Variants in C1orf94 observed in about 807,000 individuals in gnomAD.
C1orf94 encodes uncharacterized protein C1orf94.
In C1orf94, 45 loss-of-function variants were observed where a neutral mutation model predicts 53.6. The ratio of observed to expected loss-of-function variants is 0.84; its 90% CI spans 0.66 to 1.08. C1orf94 has a LOEUF of 1.08. Among genes scored for constraint, C1orf94 ranks in the 50% least tolerant of loss-of-function variants. C1orf94 has a pLI of 0.00. For missense variants in C1orf94, 762 were observed against 738.9 expected, an observed-to-expected ratio of 1.03 and a Z score of -0.36; for synonymous variants, 304 against 296.1, an observed-to-expected ratio of 1.03 and a Z score of -0.27.
chr1:34,171,885 A>G (rs1642150318), intron 1 of C1orf94, among the ~76,000 whole-genome samples: 1 of 152,172 alleles, frequency 6.6e-6, no homozygotes, highest in Non-Finnish European at 1.5e-5. Context: ...TATTACCTCC[A>G]TGAGGCCTGA....
chr1:34,184,938 G>A (rs985436305), intron 1 of C1orf94, among the ~76,000 whole-genome samples: 1 of 152,074 alleles, frequency 6.6e-6, no homozygotes, highest in Admixed American at 6.6e-5. Context: ...CAGACTAGAA[G>A]CCAGCTCTGA....
At chr1:34,208,849 C>T (rs986846339) in intron 5 of C1orf94, among the ~76,000 whole-genome samples, 13 of 152,086 alleles carry the variant, frequency 8.5e-5, no homozygotes, top group Admixed American at 2.0e-4. Context: ...CAGACCTGTC[C>T]GTGGGAACTT....
intron 3 of C1orf94, among the ~76,000 whole-genome samples, chr1:34,201,619 A>G (rs1452649351): frequency 6.6e-6 from 1 of 152,220 alleles, no homozygotes; most frequent in East Asian, 1.9e-4. Flanking sequence ...TATAGATACA[A>G]CAACCTGTGA....
In C1orf94 at chr1:34,202,064, G is replaced by A; in HGVS notation, c.1271-20G>A. 1 of 1,609,700 alleles carries A rather than the reference G, an allele frequency of 6.2e-7. No individual in the cohort carries two copies. Among genetic ancestry groups the A allele is most frequent in the Non-Finnish European group, 8.5e-7 (1 of 1,177,878 alleles). ...CCTGCCTCCATCACTGACCCGCTTT[G>A]CCTCTCCTGTGACTTGCAGTTAACG... On this transcript the variant is annotated intron_variant, in intron 3 of 6. Transcript: ENST00000488417.
intron 2 of C1orf94, among the ~76,000 whole-genome samples, chr1:34,199,293 G>A (rs1029235882): frequency 1.3e-5 from 2 of 152,224 alleles, no homozygotes; most frequent in East Asian, 1.9e-4. Context: ...GAAGCTGCAG[G>A]TGTGTGTGTC....
intron 5 of C1orf94, among the ~76,000 whole-genome samples, chr1:34,211,664 G>A (rs1029931218): frequency 2.6e-5 from 4 of 152,080 alleles, no homozygotes; most frequent in Admixed American, 1.3e-4. Flanking sequence ...GTGTGTGGCC[G>A]GTGGCTTCCA....
At chr1:34,174,699 T>C (rs1642196391), upstream of C1orf94, among the ~76,000 whole-genome samples, 1 of 152,124 alleles carries the variant, frequency 6.6e-6, no homozygotes, top group South Asian at 2.1e-4. Context: ...TGCCAACATC[T>C]TGGTCTTGGC....
intron 1 of C1orf94, among the ~76,000 whole-genome samples, chr1:34,192,921 T>C (rs752669934): frequency 3.3e-5 from 5 of 152,104 alleles, no homozygotes; most frequent in Non-Finnish European, 5.9e-5. Context: ...CCAATTTGTG[T>C]AGGGCATCAT....
At chr1:34,186,457 A>C (rs1442132386) in intron 1 of C1orf94, among the ~76,000 whole-genome samples, 1 of 152,238 alleles carries the variant, frequency 6.6e-6, no homozygotes, top group Admixed American at 6.5e-5. Context: ...ACAAGGAGAT[A>C]TATATGCCAG....
At chr1:34,209,443 TG>T (rs1642855359) in intron 5 of C1orf94, among the ~76,000 whole-genome samples, 1 of 17,712 alleles carries the variant, frequency 5.6e-5, no homozygotes, top group African/African-American at 2.4e-4. Context: ...GGGGCAGGGA[TG>T]GGGGTGTGAG....
At chr1:34,205,571 GATTA>G (rs533435772) in intron 4 of C1orf94, among the ~76,000 whole-genome samples, 125 of 152,280 alleles carry the variant, frequency 8.2e-4, no homozygotes, top group Middle Eastern at 3.4e-3. Context: ...TGGTTGTAAG[GATTA>G]ATTGAGTCCA....
intron 1 of C1orf94, among the ~76,000 whole-genome samples, chr1:34,193,094 C>T (rs1226180675): frequency 2.6e-5 from 4 of 151,824 alleles, no homozygotes; most frequent in Non-Finnish European, 4.4e-5. Flanking sequence ...AGTGGAGGGG[C>T]GTGGTGGAAG....
chr1:34,182,039 C>T (rs1642317917), intron 1 of C1orf94, among the ~76,000 whole-genome samples: 1 of 152,076 alleles, frequency 6.6e-6, no homozygotes, highest in Non-Finnish European at 1.5e-5. Context: ...ACAAAAAATA[C>T]AAAAATTAGC....
In C1orf94 at chr1:34,212,380, G is replaced by T. The variant is rs765326828; in HGVS notation, c.1695G>T (p.Pro565=). 6.2e-7 allele frequency: 1 copy of T among 1,611,632 alleles called. No homozygotes were observed. The highest frequency in any genetic ancestry group is 8.5e-7 in the Non-Finnish European group (1 of 1,178,938). ...CTCCCCTAATGGCAGGAGATGGACCGCAGTACCTCTTTCCCCAAGGATATG... is the reference window on the plus strand; with the variant it reads ...CTCCCCTAATGGCAGGAGATGGACCTCAGTACCTCTTTCCCCAAGGATATG... ...RDPPLMAGDG[P]QYLFPQGYGF... is the part of the protein sequence containing the mutation. Residue 565 remains proline, a synonymous_variant, in exon 6 of 7, where the codon CCG becomes CCT. Coordinates refer to ENST00000488417, the MANE Select transcript of C1orf94 (RefSeq NM_001134734.2).
chr1:34,198,041 G>A, intron 2 of C1orf94, 128 bp downstream of exon 2: 1 of 1,042,264 alleles, frequency 9.6e-7, no homozygotes, highest in South Asian at 1.7e-5. Context: ...CCTCTCTGGT[G>A]GGCACAGCCC....
Position 34,200,891 on chromosome 1 carries a change from G to T in C1orf94, c.1129G>T (p.Ala377Ser). ...EEGCCDAVGTASLTLPPKKPT... is the reference protein window; with the variant it reads ...EEGCCDAVGTSSLTLPPKKPT... ...GGGTTGCTGTGACGCAGTGGGCACC[G>T]CATCACTGACCCTGCCGCCCAAGAA... The change falls in exon 3 of 7, where the codon GCA (alanine) becomes TCA (serine). Residue 377 changes from alanine to serine, a missense_variant. By Grantham distance (99) the Ala-to-Ser change is moderately conservative. Transcript: ENST00000488417. 6.2e-7 allele frequency: 1 copy of T among 1,614,136 alleles called. No homozygotes were observed. The highest frequency in any genetic ancestry group is 1.1e-5 in the South Asian group (1 of 91,070).
At chr1:34,196,935 C>G (rs968807636) in intron 1 of C1orf94, among the ~76,000 whole-genome samples, 48 of 152,276 alleles carry the variant, frequency 3.2e-4, no homozygotes, top group African/African-American at 1.1e-3. Flanking sequence ...GAGGAATGGA[C>G]TAGAATTAAG....
At chr1:34,186,946 A>G (rs1341104907) in intron 1 of C1orf94, among the ~76,000 whole-genome samples, 2 of 152,196 alleles carry the variant, frequency 1.3e-5, no homozygotes, top group Non-Finnish European at 2.9e-5. Flanking sequence ...GTGGGTATGA[A>G]TAAATAAGGA....
rs1214589775 is a variant in C1orf94 at position 34,197,316 on chromosome 1, G to A, written c.412G>A (p.Glu138Lys). 18 of 1,566,904 alleles carry A rather than the reference G, an allele frequency of 1.1e-5. No individual in the cohort carries two copies. Among genetic ancestry groups the A allele is most frequent in the Admixed American group, 5.7e-5 (3 of 52,278 alleles). ...CACCAAAGAGCACTCGATCCTGGTC[G>A]AAGAGAGTTCTGGGGAGCTGGAGGT... ...SLTKEHSILV[E>K]ESSGELEVPG... is the part of the protein sequence containing the mutation. The change falls in exon 2 of 7, where the codon GAA (glutamate) becomes AAA (lysine). Residue 138 changes from glutamate (E) to lysine (K), a missense_variant. Physicochemically the swap from Glu to Lys is moderately conservative, Grantham distance 56. Transcript: ENST00000488417. This position sits in a 1 kb window ranked among gnomAD's most constrained non-coding sequence, Gnocchi z 4.1.
Sources: allele counts gnomAD v4.1 joint callset (sites outside exome capture counted in the v4.1 genomes callset), GRCh38; gene constraint gnomAD v4.1.1; non-coding constraint Gnocchi (gnomAD v3.1); transcripts MANE v1.5; gene names NCBI Gene and HGNC (gene_info 2026-07-23, HGNC 2026-07-21).